ADAMTSL3: variants seen among roughly 807,000 people sequenced by gnomAD.
The protein encoded by ADAMTSL3 is ADAMTS-like protein 3.
A neutral mutation model predicts 201.7 loss-of-function variants in ADAMTSL3; 128 were observed. That is an observed-to-expected ratio of 0.63 (90% CI 0.55 to 0.73). The LOEUF (loss-of-function observed/expected upper bound fraction) is 0.73. ADAMTSL3 is among the 30% of genes least tolerant of loss of function. The pLI, the probability that ADAMTSL3 is intolerant of heterozygous loss-of-function variation, is 0.00. For missense variants in ADAMTSL3, 1,990 were observed against 2,119.6 expected, an observed-to-expected ratio of 0.94 and a Z score of 1.20; for synonymous variants, 738 against 748.4, an observed-to-expected ratio of 0.99 and a Z score of 0.23.
rs756758779 is a variant in ADAMTSL3 at position 83,753,635 on chromosome 15, G to C, written c.190-19888G>C. Reference sequence around the variant, plus strand: ...CGAAAAAGAATTTTTTTGAAAACTTGATATCATTAAACTTGAAAAACTGTG... The same window carrying C: ...CGAAAAAGAATTTTTTTGAAAACTTCATATCATTAAACTTGAAAAACTGTG... On this transcript the variant is annotated intron_variant, in intron 3 of 29. Transcript: ENST00000286744. Among the ~76,000 whole-genome samples, 3 of 151,798 alleles carry C rather than the reference G, an allele frequency of 2.0e-5. No homozygotes were observed. The East Asian group carries it at 5.8e-4, about 29-fold the overall frequency.
At chr15:83,984,017 T>C (rs2067434095) in intron 21 of ADAMTSL3, among the ~76,000 whole-genome samples, 1 of 152,236 alleles carries the variant, frequency 6.6e-6, no homozygotes, top group Non-Finnish European at 1.5e-5. Context: ...TTTTGAGATG[T>C]TCAAAACACA....
intron 16 of ADAMTSL3, among the ~76,000 whole-genome samples, chr15:83,916,351 G>A (rs749009213): frequency 6.6e-5 from 10 of 151,928 alleles, no homozygotes; most frequent in Non-Finnish European, 1.5e-4. Flanking sequence ...ATGAGCCTTG[G>A]ACACCTACTA....
At chr15:83,989,808 G>C (rs1052872515) in intron 22 of ADAMTSL3, among the ~76,000 whole-genome samples, 1 of 152,124 alleles carries the variant, frequency 6.6e-6, no homozygotes, top group African/African-American at 2.4e-5. Flanking sequence ...TTATGACCTT[G>C]TTTGTATTAT....
At chr15:83,940,243 A>G (rs905140121) in intron 17 of ADAMTSL3, among the ~76,000 whole-genome samples, 2 of 152,228 alleles carry the variant, frequency 1.3e-5, no homozygotes, top group Non-Finnish European at 2.9e-5. Context: ...CTTTCTAAGT[A>G]TTTGGGCTTT....
At chr15:83,873,489 T>C (rs2065119436) in intron 9 of ADAMTSL3, among the ~76,000 whole-genome samples, 2 of 144,356 alleles carry the variant, frequency 1.4e-5, no homozygotes, top group South Asian at 2.1e-4. Flanking sequence ...AGTAATCCTC[T>C]GGCCTCAGCC....
chr15:83,835,550 C>T (rs1179692189), intron 6 of ADAMTSL3, among the ~76,000 whole-genome samples: 1 of 152,184 alleles, frequency 6.6e-6, no homozygotes, highest in Non-Finnish European at 1.5e-5. Flanking sequence ...CCACGCCCTT[C>T]CTGGATGACC....
rs1028501320 is a variant in ADAMTSL3, at chr15:83,865,185, T to C, written c.803-5617T>C. 6.7e-4 allele frequency among the ~76,000 whole-genome samples: 102 copies of C among 152,186 alleles called. 2 individuals carry two copies. The highest frequency in any genetic ancestry group is 6.7e-3 in the Admixed American group (102 of 15,272). ...ATCAGTATCGTGAAAATGGCCATACTGCCCAAGGTAATTTATAGATTCAAC... is the reference window on the plus strand; with the variant it reads ...ATCAGTATCGTGAAAATGGCCATACCGCCCAAGGTAATTTATAGATTCAAC... On this transcript the variant is annotated intron_variant, in intron 8 of 29. Transcript: ENST00000286744.
At position 83,655,721 on chromosome 15, in the gene ADAMTSL3, G is replaced by C; in HGVS notation, c.-33-8G>C. On this transcript the variant is annotated splice_polypyrimidine_tract_variant and splice_region_variant and intron_variant, in intron 1 of 29. Coordinates refer to ENST00000286744, the MANE Select transcript of ADAMTSL3 (RefSeq NM_207517.3). ...CTGGTTGGTAATGAACTCTTTCCTC[G>C]TTTGTAGGCTACAACTGAGACCCGG... The C allele has an allele frequency of 1.9e-6, 3 of 1,603,644 alleles. No homozygotes were observed. The South Asian group carries it at 3.3e-5, about 18-fold the overall frequency.
At chr15:83,778,984 A>G (rs983471675) in intron 4 of ADAMTSL3, among the ~76,000 whole-genome samples, 13 of 152,222 alleles carry the variant, frequency 8.5e-5, no homozygotes, top group African/African-American at 2.9e-4. Context: ...TTCACACAAA[A>G]CAGACTTTAA....
chr15:83,994,899 G>A (rs911849935), intron 23 of ADAMTSL3, among the ~76,000 whole-genome samples: 2 of 151,534 alleles, frequency 1.3e-5, no homozygotes, highest in Non-Finnish European at 2.9e-5. Context: ...CATGAGCCAC[G>A]GCATCCGGCC....
At position 83,678,656 on chromosome 15, in the gene ADAMTSL3, T is replaced by C. The variant is rs180737367; in HGVS notation, c.69+22826T>C. Among the ~76,000 whole-genome samples the C allele has an allele frequency of 4.1e-4, 62 of 150,416 alleles. No homozygotes were observed. The East Asian group carries it at 0.011, about 27-fold the overall frequency. On this transcript the variant is annotated intron_variant, in intron 2 of 29. Coordinates refer to ENST00000286744, the MANE Select transcript of ADAMTSL3 (RefSeq NM_207517.3). ...TTTAGAATTCAGATTATTGAATCTT[T>C]AGTTTTAGTCTTTTCCCCCAAATTG... is the stretch of plus-strand genomic sequence containing the variant.
chr15:83,779,768 T>TA lies in ADAMTSL3; in HGVS notation c.317+6125dup, dbSNP rs772419735. 1.9e-4 allele frequency among the ~76,000 whole-genome samples: 28 copies of TA among 145,876 alleles called. No individual in the cohort carries two copies. In the East Asian group the frequency reaches 2.2e-3, roughly 12 times the overall value. On this transcript the variant is annotated intron_variant, in intron 4 of 29. Coordinates refer to ENST00000286744, the MANE Select transcript of ADAMTSL3 (RefSeq NM_207517.3). ...GCACAATCAAATTAGAAAACAAGAC[T>TA]AAAAAAATCACTTAAAACCATACAA...
chr15:83,654,349 CTT>C lies in ADAMTSL3; in HGVS notation c.-34+74_-34+75del, dbSNP rs1374113374. 6.6e-6 allele frequency: 1 copy of C among 152,504 alleles called. No homozygotes were observed. The highest frequency in any genetic ancestry group is 2.4e-5 in the African/African-American group (1 of 41,412). 9.4% of individuals were successfully genotyped at this position (152,504 alleles called of 1,614,324 possible). A position where few individuals can be genotyped will look rare whatever the true frequency, so the allele number is the denominator to read the frequency against. On this transcript the variant is annotated intron_variant, in intron 1 of 29. Coordinates refer to ENST00000286744, the MANE Select transcript of ADAMTSL3 (RefSeq NM_207517.3). The surrounding 1 kb of genome is among the most constrained non-coding windows in gnomAD (Gnocchi z 5.3). The stretch of plus-strand genomic sequence containing the variant: ...AAGGCGCTCCCCAGAGGGAGTAAGA[CTT>C]GGAGCAGTGGCCTCTCTAAGCAAGT...
At chr15:83,748,358 A>T (rs1400901894) in intron 3 of ADAMTSL3, among the ~76,000 whole-genome samples, 1 of 152,160 alleles carries the variant, frequency 6.6e-6, no homozygotes, top group Non-Finnish European at 1.5e-5. Flanking sequence ...AGGGATACAG[A>T]GTAGGCAGGC....
chr15:83,795,741 G>A (rs988248815), intron 4 of ADAMTSL3, among the ~76,000 whole-genome samples: 3 of 152,104 alleles, frequency 2.0e-5, no homozygotes, highest in African/African-American at 7.2e-5. Flanking sequence ...CTATATGATT[G>A]TGGAAACATT....
At chr15:83,940,392 AG>A (rs1337496725) in intron 17 of ADAMTSL3, among the ~76,000 whole-genome samples, 24 of 152,328 alleles carry the variant, frequency 1.6e-4, no homozygotes, top group African/African-American at 5.8e-4. Flanking sequence ...CCAAGACTAA[AG>A]GGTTCAGTTT....
intron 16 of ADAMTSL3, among the ~76,000 whole-genome samples, chr15:83,922,207 G>A (rs2066160257): frequency 1.3e-5 from 2 of 152,104 alleles, no homozygotes; most frequent in South Asian, 4.1e-4. Context: ...ACCAATGTAT[G>A]GGATGGGAGA....
intron 7 of ADAMTSL3, among the ~76,000 whole-genome samples, chr15:83,845,099 A>G (rs1596307448): frequency 6.6e-6 from 1 of 152,118 alleles, no homozygotes; most frequent in Non-Finnish European, 1.5e-5. Context: ...CTGCTCTTCA[A>G]CGTAGTTACC....
chr15:83,740,694 C>T (rs1388443567), intron 3 of ADAMTSL3, among the ~76,000 whole-genome samples: 1 of 152,114 alleles, frequency 6.6e-6, no homozygotes, highest in African/African-American at 2.4e-5. Flanking sequence ...AAAAGCTCTT[C>T]CTTTGAGAAG....
Sources: allele counts gnomAD v4.1 joint callset (sites outside exome capture counted in the v4.1 genomes callset), GRCh38; gene constraint gnomAD v4.1.1; non-coding constraint Gnocchi (gnomAD v3.1); transcripts MANE v1.5; gene names NCBI Gene and HGNC (gene_info 2026-07-23, HGNC 2026-07-21).